The following FHIT variants were observed in gnomAD, a reference collection of about 807,000 sequenced individuals.
FHIT encodes the protein fragile histidine triad diadenosine triphosphatase, also known as bis(5'-adenosyl)-triphosphatase.
FHIT carries 19 observed loss-of-function variants against 17.9 expected under a neutral mutation model. The observed-to-expected ratio is 1.06, with a 90% CI of 0.74 to 1.56. FHIT has a LOEUF of 1.56. FHIT is among the 40% of genes most tolerant of loss of function. FHIT has a pLI of 0.00. For missense variants in FHIT, 248 were observed against 189.2 expected (o/e 1.31, Z -1.82); for synonymous variants, 81 against 69.7 (o/e 1.16, Z -0.81).
At chr3:60,102,363 C>G (rs79172782) in intron 5 of FHIT, among the ~76,000 whole-genome samples, 36,042 of 152,096 alleles carry the variant, frequency 0.24, 4,434 homozygotes, top group Middle Eastern at 0.34. Flanking sequence ...GTGAAAGGAA[C>G]AAAGACAAAG....
At chr3:60,297,000 T>C (rs1200648843) in intron 5 of FHIT, among the ~76,000 whole-genome samples, 1 of 151,986 alleles carries the variant, frequency 6.6e-6, no homozygotes, top group Admixed American at 6.6e-5. Context: ...CATTTATCTA[T>C]GTGTCTATAC....
At chr3:61,037,105 G>T (rs927220329) in intron 3 of FHIT, among the ~76,000 whole-genome samples, 26 of 152,046 alleles carry the variant, frequency 1.7e-4, no homozygotes, top group African/African-American at 6.3e-4. Context: ...TAGAGACAGG[G>T]TTTCACCGTG....
At chr3:60,346,351 A>G (rs1490847092) in intron 5 of FHIT, among the ~76,000 whole-genome samples, 2 of 152,216 alleles carry the variant, frequency 1.3e-5, no homozygotes, top group East Asian at 1.9e-4. Flanking sequence ...CTATAAAACC[A>G]TTCAATTATA....
intron 5 of FHIT, among the ~76,000 whole-genome samples, chr3:60,331,488 C>T (rs1022010927): frequency 1.3e-5 from 2 of 152,166 alleles, no homozygotes; most frequent in Non-Finnish European, 1.5e-5. Flanking sequence ...TCTAACTCTG[C>T]CCTCATGCCT....
At chr3:60,974,635 T>C (rs1367828963) in intron 3 of FHIT, among the ~76,000 whole-genome samples, 1 of 152,184 alleles carries the variant, frequency 6.6e-6, no homozygotes, top group Non-Finnish European at 1.5e-5. Context: ...CTAATATAGC[T>C]ATACCAAAAA....
intron 7 of FHIT, among the ~76,000 whole-genome samples, chr3:59,958,893 T>A (rs1010009776): frequency 6.6e-6 from 1 of 152,200 alleles, no homozygotes; most frequent in Admixed American, 6.5e-5. Flanking sequence ...GTTTTCAGTA[T>A]CAGGATTCAA....
At chr3:60,265,233 C>T (rs1228013543) in intron 5 of FHIT, among the ~76,000 whole-genome samples, 1 of 150,064 alleles carries the variant, frequency 6.7e-6, no homozygotes, top group East Asian at 2.0e-4. Flanking sequence ...AAGGAACATA[C>T]ATGCTGAAAA....
chr3:59,880,297 C>G (rs1703355672), intron 8 of FHIT, among the ~76,000 whole-genome samples: 1 of 152,164 alleles, frequency 6.6e-6, no homozygotes, highest in African/African-American at 2.4e-5. Context: ...GGATCTCTCT[C>G]CTCCCTGGCT....
intron 5 of FHIT, among the ~76,000 whole-genome samples, chr3:60,485,990 C>T (rs562362101): frequency 6.6e-6 from 1 of 152,206 alleles, no homozygotes; most frequent in East Asian, 1.9e-4. Flanking sequence ...GTTTCCCTAT[C>T]AATAGTCATT....
At chr3:60,576,431 C>A (rs1460135784) in intron 4 of FHIT, among the ~76,000 whole-genome samples, 1 of 152,054 alleles carries the variant, frequency 6.6e-6, no homozygotes, top group African/African-American at 2.4e-5. Flanking sequence ...GAAAGAAATG[C>A]AACCTGAAAA....
At chr3:60,298,471 A>T (rs534471871) in intron 5 of FHIT, among the ~76,000 whole-genome samples, 1 of 152,202 alleles carries the variant, frequency 6.6e-6, no homozygotes, top group Admixed American at 6.5e-5. Flanking sequence ...TATGTTTATT[A>T]TATCAAAATA....
chr3:61,014,807 A>AT (rs1482200671), intron 3 of FHIT, among the ~76,000 whole-genome samples: 6 of 49,106 alleles, frequency 1.2e-4, no homozygotes, highest in African/African-American at 2.2e-4. Context: ...AAAAAAAAAA[A>AT]ATATATATAT....
chr3:59,997,869 T>TTTTATTTA (rs1699579119), intron 7 of FHIT, among the ~76,000 whole-genome samples: 1 of 152,174 alleles, frequency 6.6e-6, no homozygotes, highest in African/African-American at 2.4e-5. Context: ...ATATAAGCCC[T>TTTTATTTA]TCTGCTGTGG....
chr3:59,862,022 A>G (rs373603718), intron 8 of FHIT, among the ~76,000 whole-genome samples: 6 of 152,242 alleles, frequency 3.9e-5, no homozygotes, highest in East Asian at 3.8e-4. Context: ...GGGAAAAAAA[A>G]AAACCTGTAA....
chr3:60,842,646 T>TATATATATATA (rs1491100730), intron 3 of FHIT, among the ~76,000 whole-genome samples: 19 of 80,282 alleles, frequency 2.4e-4, no homozygotes, highest in Non-Finnish European at 3.1e-4. Context: ...TATATATATA[T>TATATATATATA]TTTTTTTTTT....
At chr3:60,538,598 G>C (rs1185467517) in intron 4 of FHIT, among the ~76,000 whole-genome samples, 4 of 152,180 alleles carry the variant, frequency 2.6e-5, no homozygotes, top group South Asian at 2.1e-4. Context: ...CAGAGATATA[G>C]ACCAATGGAA....
At chr3:60,176,818 T>G (rs73831966) in intron 5 of FHIT, among the ~76,000 whole-genome samples, 1,606 of 152,276 alleles carry the variant, frequency 0.011, 23 homozygotes, top group African/African-American at 0.037. Flanking sequence ...GAAGTCCTGC[T>G]CTAGCCTTTG....
intron 4 of FHIT, among the ~76,000 whole-genome samples, chr3:60,779,620 G>A (rs1700316639): frequency 6.6e-6 from 1 of 152,096 alleles, no homozygotes; most frequent in Non-Finnish European, 1.5e-5. Flanking sequence ...GAGGAGAACT[G>A]GGTTCCACAG....
chr3:60,093,586 C>A (rs1285082686), intron 5 of FHIT, among the ~76,000 whole-genome samples: 1 of 152,170 alleles, frequency 6.6e-6, no homozygotes, highest in African/African-American at 2.4e-5. Context: ...CAGGGATCCC[C>A]AACCGCCGTG....
Sources: allele counts gnomAD v4.1 joint callset (sites outside exome capture counted in the v4.1 genomes callset), GRCh38; gene constraint gnomAD v4.1.1; transcripts MANE v1.5; gene names NCBI Gene and HGNC (gene_info 2026-07-23, HGNC 2026-07-21).